Variants in GRB2 observed in about 807,000 individuals in gnomAD.
GRB2 encodes the protein growth factor receptor-bound protein 2.
In GRB2, 2 loss-of-function variants were observed where a neutral mutation model predicts 27.4. That is an observed-to-expected ratio of 0.07 (90% CI 0.03 to 0.23). The LOEUF is 0.23. GRB2 is among the 10% of genes least tolerant of loss of function. GRB2 has a pLI of 1.00. For missense variants in GRB2, 102 were observed against 282.4 expected, an observed-to-expected ratio of 0.36 and a Z score of 4.58; for synonymous variants, 94 against 99.6, an observed-to-expected ratio of 0.94 and a Z score of 0.33.
At chr17:75,398,635 T>C (rs76882401) in intron 1 of GRB2, among the ~76,000 whole-genome samples, 2,574 of 152,290 alleles carry the variant, frequency 0.017, 35 homozygotes, top group Non-Finnish European at 0.027. Context: ...TGTGGCTTGG[T>C]GTTACATTAT....
At chr17:75,359,960 A>G (rs2145847120) in intron 2 of GRB2, among the ~76,000 whole-genome samples, 1 of 150,910 alleles carries the variant, frequency 6.6e-6, no homozygotes, top group South Asian at 2.1e-4. Context: ...GTGGTGTGTT[A>G]CAAAGTTCTT....
At chr17:75,393,428 A>G (rs2079010433) in intron 2 of GRB2, 123 bp downstream of exon 2, 1 of 791,230 alleles carries the variant, frequency 1.3e-6, no homozygotes, top group Non-Finnish European at 2.2e-6. Flanking sequence ...CAGAACAAAT[A>G]TGATGGTAAA....
intron 2 of GRB2, among the ~76,000 whole-genome samples, chr17:75,338,374 T>G (rs2078596022): frequency 1.3e-5 from 2 of 152,148 alleles, no homozygotes; most frequent in African/African-American, 2.4e-5. Flanking sequence ...CACAAATAAT[T>G]TTTAAAGGCC....
chr17:75,400,939 ATC>A (rs1351294734), intron 1 of GRB2, among the ~76,000 whole-genome samples: 6 of 151,704 alleles, frequency 4.0e-5, no homozygotes, highest in Non-Finnish European at 8.8e-5. Flanking sequence ...TGTATGGAGT[ATC>A]TACATAAATA....
chr17:75,319,165 G>C lies in GRB2; in HGVS notation c.*1203C>G, dbSNP rs2078438226. 1 of 136,350 alleles carries C rather than the reference G, an allele frequency of 7.3e-6. No homozygotes were observed. The highest frequency in any genetic ancestry group is 7.7e-5 in the Admixed American group (1 of 12,978). 8.4% of individuals were successfully genotyped at this position (136,350 alleles called of 1,614,324 possible). On this transcript the variant is annotated 3_prime_UTR_variant, in exon 6 of 6. Transcript: ENST00000316804. The stretch of plus-strand genomic sequence containing the variant: ...CTTAAAGCCTCCTGGCTTAGTACAA[G>C]CAGGAGAACGCCTCACCTTCCACTC...
intron 2 of GRB2, among the ~76,000 whole-genome samples, chr17:75,334,240 G>A (rs891108539): frequency 2.0e-5 from 3 of 151,702 alleles, no homozygotes; most frequent in African/African-American, 4.8e-5. Context: ...GCGCGATCTC[G>A]GCTCACTGCA....
chr17:75,332,519 A>G (rs948040897), intron 3 of GRB2, among the ~76,000 whole-genome samples, 181 bp downstream of exon 3: 11 of 152,230 alleles, frequency 7.2e-5, no homozygotes, highest in Non-Finnish European at 1.6e-4. Flanking sequence ...AAAACATATA[A>G]TATTATTGAC....
At chr17:75,353,013 GTC>G (rs752057994) in intron 2 of GRB2, among the ~76,000 whole-genome samples, 28 of 151,598 alleles carry the variant, frequency 1.8e-4, no homozygotes, top group Non-Finnish European at 4.0e-4. Flanking sequence ...GTGAAACCCT[GTC>G]TCTACTAAAA....
intron 2 of GRB2, among the ~76,000 whole-genome samples, chr17:75,381,624 GGC>G (rs2078928411): frequency 6.6e-6 from 1 of 150,954 alleles, no homozygotes; most frequent in African/African-American, 2.4e-5. Context: ...AGGAGGCTGA[GGC>G]AGGAGAATTG....
intron 5 of GRB2, among the ~76,000 whole-genome samples, chr17:75,321,005 G>A (rs549137456): frequency 3.0e-4 from 46 of 152,158 alleles, no homozygotes; most frequent in African/African-American, 8.2e-4. Context: ...GGACAGGAAC[G>A]GGTGCCGACC....
At chr17:75,375,387 G>GAAAAAA (rs11464562) in intron 2 of GRB2, among the ~76,000 whole-genome samples, 1 of 147,584 alleles carries the variant, frequency 6.8e-6, no homozygotes. Context: ...CAATCTTCAG[G>GAAAAAA]AAAAAAAAAA....
At chr17:75,339,687 C>T (rs948783813) in intron 2 of GRB2, among the ~76,000 whole-genome samples, 3 of 149,998 alleles carry the variant, frequency 2.0e-5, no homozygotes, top group African/African-American at 7.4e-5. Flanking sequence ...AGTGCAATGG[C>T]GCCATCTCAG....
intron 3 of GRB2, among the ~76,000 whole-genome samples, chr17:75,330,379 TCAAACAAACAAACAAA>T (rs370595543): frequency 6.7e-6 from 1 of 149,844 alleles, no homozygotes; most frequent in Admixed American, 6.7e-5. Context: ...AGACTCCATC[TCAAACAAACAAACAAA>T]CAAACAAACA....
At chr17:75,359,905 A>G (rs940990638) in intron 2 of GRB2, among the ~76,000 whole-genome samples, 1 of 152,112 alleles carries the variant, frequency 6.6e-6, no homozygotes, top group Non-Finnish European at 1.5e-5. Context: ...AGGGCATTCA[A>G]TAAGTGTTTG....
intron 2 of GRB2, among the ~76,000 whole-genome samples, chr17:75,367,794 C>T (rs1478557713): frequency 1.3e-5 from 2 of 152,144 alleles, no homozygotes; most frequent in African/African-American, 4.8e-5. Context: ...GCCTCAAAGC[C>T]CTGGAATCCT....
chr17:75,333,231 T>G (rs1208727521), intron 2 of GRB2, among the ~76,000 whole-genome samples: 3 of 152,084 alleles, frequency 2.0e-5, no homozygotes. Flanking sequence ...GCATGCCACG[T>G]TGCCCAGCTA....
rs1240340701 is a variant in GRB2, at chr17:75,321,838, C to A, written c.300-11G>T. 1 of 1,612,796 alleles carries A rather than the reference C, an allele frequency of 6.2e-7. No individual in the cohort carries two copies. The highest frequency in any genetic ancestry group is 8.5e-7 in the Non-Finnish European group (1 of 1,179,882). ...ACATCGTTTCCAAACCTGGGAGGGA[C>A]AGAAAGCACATGTGACCGGCTAAAG... is the stretch of plus-strand genomic sequence containing the variant. On this transcript the variant is annotated splice_polypyrimidine_tract_variant and intron_variant, in intron 4 of 5. Transcript: ENST00000316804.
intron 2 of GRB2, among the ~76,000 whole-genome samples, chr17:75,368,215 G>GC (rs2078832437): frequency 7.6e-6 from 1 of 131,662 alleles, no homozygotes; most frequent in African/African-American, 2.8e-5. Context: ...GTGCTCAGCT[G>GC]TTTTTTTTTT....
At chr17:75,345,309 T>C (rs1336406729) in intron 2 of GRB2, among the ~76,000 whole-genome samples, 1 of 152,004 alleles carries the variant, frequency 6.6e-6, no homozygotes, top group Non-Finnish European at 1.5e-5. Flanking sequence ...CTCCCAAAGT[T>C]GTGGGATTAC....
Sources: gnomAD v4.1 joint callset for allele counts (sites outside exome capture counted in the v4.1 genomes callset) on GRCh38, gnomAD v4.1.1 for gene constraint, MANE v1.5 for transcripts, NCBI Gene and HGNC (gene_info 2026-07-23, HGNC 2026-07-21) for gene names.